CTNNA1: variants seen among roughly 807,000 people sequenced by gnomAD.
CTNNA1 encodes the protein catenin alpha-1.
CTNNA1 carries 37 observed loss-of-function variants against 98.4 expected under a neutral mutation model. The observed-to-expected ratio is 0.38, with a 90% confidence interval of 0.29 to 0.49. The LOEUF is 0.49. CTNNA1 is among the 20% of genes least tolerant of loss of function. The pLI is 0.95. For missense variants in CTNNA1, 761 were observed against 1,147.2 expected, an observed-to-expected ratio of 0.66 and a Z score of 4.86; for synonymous variants, 404 against 413.2, an observed-to-expected ratio of 0.98 and a Z score of 0.27.
chr5:138,804,925 G>A (rs1561542648), intron 3 of CTNNA1, among the ~76,000 whole-genome samples: 1 of 152,330 alleles, frequency 6.6e-6, no homozygotes, highest in East Asian at 1.9e-4. Context: ...AAAGAAAAGA[G>A]GTTTAATTGG....
chr5:138,916,011 T>C (rs1038254803), intron 10 of CTNNA1, among the ~76,000 whole-genome samples: 6 of 152,090 alleles, frequency 3.9e-5, no homozygotes, highest in African/African-American at 1.4e-4. Flanking sequence ...ATCGCGCCAC[T>C]GCTCTCCAGC....
intron 10 of CTNNA1, among the ~76,000 whole-genome samples, chr5:138,906,162 A>G (rs1052069994): frequency 1.3e-5 from 2 of 152,098 alleles, no homozygotes; most frequent in African/African-American, 2.4e-5. Flanking sequence ...ATGTGGATTA[A>G]TTTGCCAATG....
chr5:138,913,583 CAAA>C (rs66895615), intron 10 of CTNNA1, among the ~76,000 whole-genome samples: 5 of 130,068 alleles, frequency 3.8e-5, no homozygotes, highest in Admixed American at 8.0e-5. Context: ...GACCCTGTCT[CAAA>C]AAAAAAAAAA....
intron 7 of CTNNA1, among the ~76,000 whole-genome samples, chr5:138,857,489 T>A (rs544788750): frequency 8.1e-4 from 115 of 141,314 alleles, no homozygotes; most frequent in South Asian, 1.1e-3. Flanking sequence ...AAAAAAAAAA[T>A]TTTTTTAAAT....
chr5:138,837,607 C>G (rs1761919596), intron 7 of CTNNA1, among the ~76,000 whole-genome samples: 1 of 147,302 alleles, frequency 6.8e-6, no homozygotes, highest in African/African-American at 2.5e-5. Context: ...CCTCTCTCCT[C>G]TCTCCTCTTT....
At chr5:138,864,672 C>T (rs1406035867) in intron 7 of CTNNA1, among the ~76,000 whole-genome samples, 1 of 152,170 alleles carries the variant, frequency 6.6e-6, no homozygotes, top group Non-Finnish European at 1.5e-5. Context: ...AGGTTAGAAA[C>T]AAGATGGAAT....
chr5:138,895,707 C>T (rs1756636831), intron 9 of CTNNA1, among the ~76,000 whole-genome samples: 1 of 151,922 alleles, frequency 6.6e-6, no homozygotes, highest in African/African-American at 2.4e-5. Context: ...TTATCTTGTA[C>T]TAAATACGTA....
intron 4 of CTNNA1, 54 bp from the exon 5 acceptor site, chr5:138,812,129 T>C: frequency 7.8e-6 from 12 of 1,546,518 alleles, no homozygotes; most frequent in Non-Finnish European, 9.7e-6. Flanking sequence ...TGCCATCTTC[T>C]TTACAGACCT....
intron 5 of CTNNA1, among the ~76,000 whole-genome samples, chr5:138,821,572 A>G (rs924063281): frequency 6.6e-6 from 1 of 152,168 alleles, no homozygotes; most frequent in Non-Finnish European, 1.5e-5. Context: ...AGAGAAATCT[A>G]TGGCTATAAT....
At chr5:138,871,177 T>A (rs1263923464) in intron 7 of CTNNA1, 1 of 152,198 alleles carries the variant, frequency 6.6e-6, no homozygotes, top group African/African-American at 2.4e-5. Context: ...AGAAAAAATA[T>A]GCCCTGAATG....
intron 7 of CTNNA1, among the ~76,000 whole-genome samples, chr5:138,851,437 GC>G (rs1179669798): frequency 2.6e-5 from 4 of 152,178 alleles, no homozygotes; most frequent in African/African-American, 9.7e-5. Flanking sequence ...TAGTCTCTAA[GC>G]AGGAGAGGTG....
intron 3 of CTNNA1, among the ~76,000 whole-genome samples, chr5:138,808,938 C>T (rs1758388526): frequency 6.6e-6 from 1 of 152,026 alleles, no homozygotes; most frequent in Non-Finnish European, 1.5e-5. Flanking sequence ...ACACAAATGA[C>T]AGAAAGTATA....
At chr5:138,816,682 G>T (rs1759461196) in intron 5 of CTNNA1, among the ~76,000 whole-genome samples, 1 of 151,936 alleles carries the variant, frequency 6.6e-6, no homozygotes, top group Admixed American at 6.6e-5. Context: ...CTTCTTTTGA[G>T]AAATGTATGT....
intron 5 of CTNNA1, among the ~76,000 whole-genome samples, chr5:138,814,335 G>A (rs1312098089): frequency 2.0e-5 from 3 of 150,268 alleles, no homozygotes; most frequent in African/African-American, 4.9e-5. Flanking sequence ...CACAACCTCC[G>A]CCTCCCGGGT....
At position 138,780,735 on chromosome 5, in the gene CTNNA1, C is replaced by T. The variant is rs146957821; in HGVS notation, c.-2-1188C>T. Reference sequence around the variant, plus strand: ...TTATCCTTGTTGGTCAGGCTGGTGTCGAACTCCCGACCTCAGGTGATCTGC... The same window carrying T: ...TTATCCTTGTTGGTCAGGCTGGTGTTGAACTCCCGACCTCAGGTGATCTGC... On this transcript the variant is annotated intron_variant, in intron 1 of 17. Transcript: ENST00000302763. 7.6e-3 allele frequency among the ~76,000 whole-genome samples: 1,149 copies of T among 152,030 alleles called. 51 individuals carry two copies. Among genetic ancestry groups the T allele is most frequent in the Admixed American group, 0.065 (995 of 15,266 alleles).
chr5:138,881,150 T>A (rs1173065785), intron 7 of CTNNA1: 1 of 455,524 alleles, frequency 2.2e-6, no homozygotes, highest in Non-Finnish European at 4.4e-6. Flanking sequence ...AAGACTGTCC[T>A]CCTTGAGAGC....
At chr5:138,756,183 T>C (rs1751629945) in intron 1 of CTNNA1, among the ~76,000 whole-genome samples, 1 of 152,020 alleles carries the variant, frequency 6.6e-6, no homozygotes, top group African/African-American at 2.4e-5. Flanking sequence ...ATTACAGGTG[T>C]GTGCCAACAT....
chr5:138,926,142 A>G (rs1763979253), intron 13 of CTNNA1, among the ~76,000 whole-genome samples: 1 of 152,122 alleles, frequency 6.6e-6, no homozygotes, highest in African/African-American at 2.4e-5. Context: ...CATCCCCAGC[A>G]GCCTAGATCT....
intron 3 of CTNNA1, among the ~76,000 whole-genome samples, chr5:138,785,571 CT>C (rs1256446293): frequency 6.6e-6 from 1 of 151,490 alleles, no homozygotes; most frequent in Non-Finnish European, 1.5e-5. Context: ...TCTTTTCTTT[CT>C]TTTTTTGAGT....
Sources: gnomAD v4.1 joint callset for allele counts (sites outside exome capture counted in the v4.1 genomes callset) on GRCh38, gnomAD v4.1.1 for gene constraint, MANE v1.5 for transcripts, NCBI Gene and HGNC (gene_info 2026-07-23, HGNC 2026-07-21) for gene names.